SETDB2: variants seen among roughly 807,000 people sequenced by gnomAD.
SETDB2 encodes the protein SET domain bifurcated histone lysine methyltransferase 2, also known as histone-lysine N-methyltransferase SETDB2.
In SETDB2, 56 loss-of-function variants were observed where a neutral mutation model predicts 82.5. The observed-to-expected ratio is 0.68, with a 90% CI of 0.55 to 0.85. SETDB2 has a LOEUF of 0.85. Among genes scored for constraint, SETDB2 ranks in the 40% least tolerant of loss-of-function variants. SETDB2 has a pLI of 0.00. For missense variants in SETDB2, 677 were observed against 816.4 expected, an observed-to-expected ratio of 0.83 and a Z score of 2.08; for synonymous variants, 272 against 284.9, an observed-to-expected ratio of 0.95 and a Z score of 0.46.
At chr13:49,486,429 GA>G (rs1188253466) in intron 11 of SETDB2, among the ~76,000 whole-genome samples, 8 of 152,200 alleles carry the variant, frequency 5.3e-5, no homozygotes, top group African/African-American at 1.9e-4. Context: ...AGCAAAGCCT[GA>G]AATATTTGCT....
At chr13:49,461,040 C>T (rs1957982114) in intron 3 of SETDB2, 57 bp from the exon 4 acceptor site, 2 of 1,310,148 alleles carry the variant, frequency 1.5e-6, no homozygotes, top group South Asian at 1.2e-5. Context: ...TTGTTTAGCA[C>T]AGTAGCTGGC....
At chr13:49,475,791 T>G (rs1221981703) in intron 5 of SETDB2, among the ~76,000 whole-genome samples, 1 of 148,450 alleles carries the variant, frequency 6.7e-6, no homozygotes, top group South Asian at 2.1e-4. Flanking sequence ...CCCTGCCGAC[T>G]TTTTTTTTTA....
intron 5 of SETDB2, among the ~76,000 whole-genome samples, chr13:49,474,266 A>G (rs1958309031): frequency 9.5e-6 from 1 of 105,066 alleles, no homozygotes; most frequent in Non-Finnish European, 1.8e-5. Flanking sequence ...ACTCTCTCTC[A>G]AAAAAAAAAG....
At chr13:49,468,303 C>A (rs899564079) in intron 5 of SETDB2, among the ~76,000 whole-genome samples, 3 of 152,028 alleles carry the variant, frequency 2.0e-5, no homozygotes, top group Non-Finnish European at 4.4e-5. Context: ...CAAAATGTTT[C>A]TTTCAGTATC....
chr13:49,453,303 C>CT (rs199758121), intron 2 of SETDB2, among the ~76,000 whole-genome samples: 9,305 of 143,818 alleles, frequency 0.065, 341 homozygotes, highest in South Asian at 0.13. Context: ...TCTTTTTTTT[C>CT]TTTTTTTTTT....
intron 6 of SETDB2, among the ~76,000 whole-genome samples, chr13:49,479,658 T>C (rs1958440552): frequency 6.6e-6 from 1 of 152,176 alleles, no homozygotes; most frequent in Non-Finnish European, 1.5e-5. Flanking sequence ...TTGTATCAAA[T>C]TATGGTTCCC....
intron 10 of SETDB2, among the ~76,000 whole-genome samples, chr13:49,484,388 G>T (rs1189034054): frequency 6.6e-6 from 1 of 152,172 alleles, no homozygotes; most frequent in African/African-American, 2.4e-5. Flanking sequence ...CCCTGCTTCA[G>T]CCTCATGAGT....
chr13:49,459,189 G>T (rs751550301), intron 2 of SETDB2, among the ~76,000 whole-genome samples: 5 of 152,190 alleles, frequency 3.3e-5, no homozygotes, highest in Non-Finnish European at 5.9e-5. Flanking sequence ...TTTGGGAAAG[G>T]TGACTTTCCC....
At chr13:49,487,613 A>T (rs1000569271) in intron 11 of SETDB2, among the ~76,000 whole-genome samples, 1 of 152,164 alleles carries the variant, frequency 6.6e-6, no homozygotes, top group Non-Finnish European at 1.5e-5. Flanking sequence ...AAGTGCTGGG[A>T]TTACAGGCAT....
intron 2 of SETDB2, among the ~76,000 whole-genome samples, chr13:49,457,057 T>C (rs1957895329): frequency 6.6e-6 from 1 of 152,208 alleles, no homozygotes; most frequent in South Asian, 2.1e-4. Flanking sequence ...CAGTATTTTC[T>C]TTGATTGGCT....
chr13:49,490,298 A>AAAAAAG (rs1958686858), intron 12 of SETDB2, among the ~76,000 whole-genome samples: 1 of 151,322 alleles, frequency 6.6e-6, no homozygotes, highest in African/African-American at 2.4e-5. Context: ...AAAAAAAAAA[A>AAAAAAG]AAAATCTTGT....
intron 13 of SETDB2, 115 bp from the exon 14 acceptor site, chr13:49,491,617 G>A (rs1218477215): frequency 1.4e-5 from 10 of 711,480 alleles, no homozygotes; most frequent in African/African-American, 9.0e-5. Flanking sequence ...TGTTGGGTGA[G>A]AGAACAGATC....
intron 5 of SETDB2, among the ~76,000 whole-genome samples, chr13:49,469,268 C>A (rs1189357379): frequency 6.6e-6 from 1 of 152,128 alleles, no homozygotes; most frequent in Non-Finnish European, 1.5e-5. Flanking sequence ...ACTAGACATT[C>A]TTTTTATTAC....
At chr13:49,488,881 A>G (rs746944405) in intron 12 of SETDB2, 30 of 365,212 alleles carry the variant, frequency 8.2e-5, no homozygotes, top group Non-Finnish European at 1.4e-4. Flanking sequence ...AGTGCTTAGA[A>G]CAGTGCCTAG....
chr13:49,487,885 G>A (rs1172549265), intron 11 of SETDB2, among the ~76,000 whole-genome samples: 1 of 152,182 alleles, frequency 6.6e-6, no homozygotes, highest in Non-Finnish European at 1.5e-5. Flanking sequence ...AAGGCCTAGA[G>A]TGCCTCCAAA....
rs183194080 is a variant in SETDB2, at chr13:49,493,350, T to C, written c.*1501T>C. The C allele has an allele frequency of 9.2e-5, 14 of 152,370 alleles. No individual in the cohort carries two copies. Among genetic ancestry groups the C allele is most frequent in the African/African-American group, 2.9e-4 (12 of 41,582 alleles). The allele number at this position is 152,370 out of a possible 1,614,324, so 9.4% of individuals were successfully genotyped here. A position where few individuals can be genotyped will look rare whatever the true frequency, so the allele number is the denominator to read the frequency against. ...AAAGGGAATATTATGGATCAGCCAG[T>C]ATTTCTTTGAGCTCTGCCTGTGGAG... On this transcript the variant is annotated 3_prime_UTR_variant, in exon 14 of 14. Coordinates refer to ENST00000611815, the MANE Select transcript of SETDB2 (RefSeq NM_001160308.3).
intron 8 of SETDB2, among the ~76,000 whole-genome samples, chr13:49,482,528 T>C (rs1958499604): frequency 6.6e-6 from 1 of 152,200 alleles, no homozygotes; most frequent in Admixed American, 6.5e-5. Flanking sequence ...AAATGGTTTT[T>C]TTTTAGATAC....
In SETDB2 at chr13:49,451,818, C is replaced by A; in HGVS notation, c.-76C>A. 1 of 1,183,808 alleles carries A rather than the reference C, an allele frequency of 8.4e-7. No homozygotes were observed. Among genetic ancestry groups the A allele is most frequent in the Non-Finnish European group, 1.2e-6 (1 of 814,754 alleles). The allele number at this position is 1,183,808 out of a possible 1,614,324, so 73.3% of individuals were successfully genotyped here. A position where few individuals can be genotyped will look rare whatever the true frequency, so the allele number is the denominator to read the frequency against. ...TTTTATAGAGACCACAGTTGGATTC[C>A]AGTGATATTCTGCAATCAAAGTGAT... On this transcript the variant is annotated 5_prime_UTR_variant, in exon 2 of 14. Transcript: ENST00000611815.
Position 49,467,866 on chromosome 13 carries a change from C to G in SETDB2, c.211C>G (p.Pro71Ala), listed in dbSNP as rs1270558224. Residue 71 changes from proline (P) to alanine (A), a missense_variant and splice_region_variant, in exon 5 of 14, where the codon CCT becomes GCT. By Grantham distance (27) the Pro-to-Ala change is conservative. Around this residue, in one of 3 missense-constraint regions of SETDB2, gnomAD observed 243 missense variants for 237.2 expected, o/e 1.02. Transcript: ENST00000611815. ...GCTCACATTATTTTTTTGTGTAGAT[C>G]CTATGCCTGTGACTCAGAAGGAACA... ...IINSSTSIKD[P>A]MPVTQKEQEN... 5 of 1,603,398 alleles carry G rather than the reference C, an allele frequency of 3.1e-6. No homozygotes were observed. The highest frequency in any genetic ancestry group is 4.3e-6 in the Non-Finnish European group (5 of 1,176,164).
Sources: gnomAD v4.1 joint callset for allele counts (sites outside exome capture counted in the v4.1 genomes callset) on GRCh38, gnomAD v4.1.1 for gene constraint, gnomAD v4.1.1 regional missense constraint, MANE v1.5 for transcripts, NCBI Gene and HGNC (gene_info 2026-07-23, HGNC 2026-07-21) for gene names.